Variants in GATAD2B observed in about 807,000 individuals in gnomAD.
GATAD2B encodes the protein GATA zinc finger domain containing 2B.
A neutral mutation model predicts 64.3 loss-of-function variants in GATAD2B; 8 were observed. The ratio of observed to expected loss-of-function variants is 0.12; its 90% CI spans 0.07 to 0.22. The LOEUF (loss-of-function observed/expected upper bound fraction) is 0.22, where lower values mean the gene tolerates loss of function less well. Among genes scored for constraint, GATAD2B ranks in the 10% least tolerant of loss-of-function variants. The probability of loss-of-function intolerance (pLI) is 1.00; values close to 1 mark genes in which losing one functional copy is unlikely to be tolerated. For synonymous variants in GATAD2B, 281 were observed against 271.3 expected (o/e 1.04, Z -0.35); for missense variants, 453 against 752.0 (o/e 0.60, Z 4.65).
At chr1:153,852,482 A>G in intron 1 of GATAD2B, 1 of 760,316 alleles carries the variant, frequency 1.3e-6, no homozygotes. Context: ...TAGCAAGAGT[A>G]CGTGACTCGA....
intron 1 of GATAD2B, among the ~76,000 whole-genome samples, chr1:153,893,955 T>TAAAA (rs57287798): frequency 1.1e-3 from 76 of 68,588 alleles, no homozygotes; most frequent in African/African-American, 3.0e-3. Context: ...AGACTCCATC[T>TAAAA]AAAAAAAAAA....
At chr1:153,897,941 T>C (rs1006692037) in intron 1 of GATAD2B, among the ~76,000 whole-genome samples, 5 of 147,164 alleles carry the variant, frequency 3.4e-5, no homozygotes, top group African/African-American at 1.3e-4. Context: ...AAGCTAGGAG[T>C]TCTAGACTGG....
intron 1 of GATAD2B, among the ~76,000 whole-genome samples, chr1:153,910,787 T>C (rs996695505): frequency 5.3e-5 from 8 of 152,242 alleles, no homozygotes; most frequent in African/African-American, 1.9e-4. Context: ...ATAGGCTTTA[T>C]ATTAAATAAT....
At chr1:153,849,573 A>C (rs1185459843) in intron 1 of GATAD2B, among the ~76,000 whole-genome samples, 1 of 152,146 alleles carries the variant, frequency 6.6e-6, no homozygotes, top group Non-Finnish European at 1.5e-5. Flanking sequence ...TCTCATACCC[A>C]CATGCATTCT....
intron 1 of GATAD2B, among the ~76,000 whole-genome samples, chr1:153,878,291 A>C (rs1299700835): frequency 1.3e-5 from 2 of 151,544 alleles, no homozygotes; most frequent in Admixed American, 1.3e-4. Flanking sequence ...CCACAGGCAC[A>C]TGCCACGACT....
intron 1 of GATAD2B, among the ~76,000 whole-genome samples, chr1:153,919,092 C>T (rs562382735): frequency 1.3e-4 from 20 of 152,312 alleles, no homozygotes; most frequent in African/African-American, 4.3e-4. Context: ...AACAAGTTCA[C>T]ACATTGTCAA....
intron 1 of GATAD2B, among the ~76,000 whole-genome samples, chr1:153,884,669 CAA>C (rs1414178382): frequency 6.6e-6 from 1 of 152,034 alleles, no homozygotes; most frequent in African/African-American, 2.4e-5. Context: ...TAAAGAATAC[CAA>C]ATTATCTAAA....
At chr1:153,849,032 G>GTT (rs1675792224) in intron 1 of GATAD2B, among the ~76,000 whole-genome samples, 1 of 151,478 alleles carries the variant, frequency 6.6e-6, no homozygotes, top group Admixed American at 6.6e-5. Flanking sequence ...TGTGTGTTCT[G>GTT]TTTTGTTTTG....
rs1674577662 is a variant in GATAD2B at position 153,818,886 on chromosome 1, G to C, written c.502C>G (p.Gln168Glu). Reference sequence around the variant, plus strand: ...TCCAATCGTAGCTCATCCCTCAGCTGCTTGATAAGCTGCTGCCGCTCCTCA... The same window carrying C: ...TCCAATCGTAGCTCATCCCTCAGCTCCTTGATAAGCTGCTGCCGCTCCTCA... ...GIEERQQLIK[Q>E]LRDELRLEEA... Residue 168 changes from glutamine to glutamate, a missense_variant, in exon 4 of 11, where the codon CAG becomes GAG. Physicochemically the swap from Gln to Glu is conservative, Grantham distance 29. Transcript: ENST00000368655. 1.2e-6 allele frequency: 2 copies of C among 1,612,456 alleles called. No individual in the cohort carries two copies. The highest frequency in any genetic ancestry group is 1.7e-6 in the Non-Finnish European group (2 of 1,179,838).
rs1674135064 is a variant in GATAD2B at position 153,807,137 on chromosome 1, C to T, written c.*3040G>A. ...CATTTCAGGCTTCCAGGGAGTAAGA[C>T]ACCAACCTTAAAATACTGCTTTTAG... On this transcript the variant is annotated 3_prime_UTR_variant, in exon 11 of 11. Transcript: ENST00000368655. 6.6e-6 allele frequency: 1 copy of T among 152,162 alleles called. No individual in the cohort carries two copies. The highest frequency in any genetic ancestry group is 2.1e-4 in the South Asian group (1 of 4,824). The allele number at this position is 152,162 out of a possible 1,614,324, so 9.4% of individuals were successfully genotyped here.
chr1:153,860,505 TA>T (rs1290753813), intron 1 of GATAD2B, among the ~76,000 whole-genome samples: 1 of 151,792 alleles, frequency 6.6e-6, no homozygotes, highest in Non-Finnish European at 1.5e-5. Flanking sequence ...CAGCTAACTT[TA>T]AAATTTTTTG....
chr1:153,843,092 T>C (rs770119062), intron 1 of GATAD2B, among the ~76,000 whole-genome samples: 16 of 150,746 alleles, frequency 1.1e-4, no homozygotes, highest in Non-Finnish European at 2.1e-4. Flanking sequence ...GCTAGGATTA[T>C]AGGCTCACGC....
At chr1:153,918,452 G>A (rs1571013733) in intron 1 of GATAD2B, among the ~76,000 whole-genome samples, 1 of 152,250 alleles carries the variant, frequency 6.6e-6, no homozygotes, top group Middle Eastern at 3.4e-3. Context: ...AAGTCTTTCA[G>A]TTAACATTTG....
rs751862065 is a variant in GATAD2B at position 153,816,636 on chromosome 1, G to A, written c.901-48C>T. ...TCAATCATGGTATGCAGGAGAAAGG[G>A]CCAATTCTTACGTTCTTGGCAGAGG... is the stretch of plus-strand genomic sequence containing the variant. On this transcript the variant is annotated intron_variant, in intron 6 of 10. Coordinates refer to ENST00000368655, the MANE Select transcript of GATAD2B (RefSeq NM_020699.4). The surrounding 1 kb of genome is among the most constrained non-coding windows in gnomAD (Gnocchi z 4.9). The A allele has an allele frequency of 3.8e-6, 5 of 1,300,634 alleles. No homozygotes were observed. The highest frequency in any genetic ancestry group is 5.5e-6 in the Non-Finnish European group (5 of 911,100). The allele number at this position is 1,300,634 out of a possible 1,614,324, so 80.6% of individuals were successfully genotyped here.
chr1:153,829,227 T>TAA (rs1674993740), intron 1 of GATAD2B, among the ~76,000 whole-genome samples: 1 of 152,082 alleles, frequency 6.6e-6, no homozygotes, highest in East Asian at 1.9e-4. Flanking sequence ...AAAAAAAATC[T>TAA]AAATGCAAAT....
intron 1 of GATAD2B, chr1:153,853,370 G>C (rs567970291): frequency 4.4e-6 from 3 of 688,144 alleles, no homozygotes; most frequent in East Asian, 5.0e-5. Context: ...TTGACCACCC[G>C]AGTCATCACA....
chr1:153,878,518 G>A (rs1029951379), intron 1 of GATAD2B, among the ~76,000 whole-genome samples: 1 of 152,056 alleles, frequency 6.6e-6, no homozygotes, highest in East Asian at 1.9e-4. Flanking sequence ...AAATACAGAC[G>A]TTCAAAGACT....
chr1:153,904,591 G>C (rs1677870953), intron 1 of GATAD2B, among the ~76,000 whole-genome samples: 1 of 152,132 alleles, frequency 6.6e-6, no homozygotes, highest in South Asian at 2.1e-4. Flanking sequence ...ACTCAGGCTG[G>C]AGTAGAGTGG....
intron 1 of GATAD2B, among the ~76,000 whole-genome samples, chr1:153,848,119 G>T (rs922127259): frequency 1.3e-5 from 2 of 152,068 alleles, no homozygotes; most frequent in African/African-American, 4.8e-5. Flanking sequence ...TACCAACTTG[G>T]TATAGTATTT....
Sources: allele counts gnomAD v4.1 joint callset (sites outside exome capture counted in the v4.1 genomes callset), GRCh38; gene constraint gnomAD v4.1.1; non-coding constraint Gnocchi (gnomAD v3.1); transcripts MANE v1.5; gene names NCBI Gene and HGNC (gene_info 2026-07-23, HGNC 2026-07-21).